The following TSHZ3 variants were observed in gnomAD, a reference collection of about 807,000 sequenced individuals.
TSHZ3 encodes the protein teashirt homolog 3.
In TSHZ3, 10 loss-of-function variants were observed where a neutral mutation model predicts 64.5. The ratio of observed to expected loss-of-function variants is 0.16; its 90% CI spans 0.10 to 0.26. TSHZ3 has a LOEUF of 0.26. Among genes scored for constraint, TSHZ3 ranks in the 10% least tolerant of loss-of-function variants. TSHZ3 has a pLI of 1.00. For synonymous variants in TSHZ3, 608 were observed against 593.1 expected, an observed-to-expected ratio of 1.03 and a Z score of -0.36; for missense variants, 1,242 against 1,421.7, an observed-to-expected ratio of 0.87 and a Z score of 2.03.
intron 3 of TSHZ3, among the ~76,000 whole-genome samples, chr19:31,237,688 A>G (rs1197714525): frequency 6.6e-6 from 1 of 152,212 alleles, no homozygotes; most frequent in Non-Finnish European, 1.5e-5. Flanking sequence ...AGAAACATCA[A>G]TAATTGGTAT....
intron 5 of TSHZ3, among the ~76,000 whole-genome samples, chr19:31,157,504 A>C (rs1035196131): frequency 6.6e-6 from 1 of 152,244 alleles, no homozygotes; most frequent in Non-Finnish European, 1.5e-5. Flanking sequence ...AGTAGTTACA[A>C]TCTAGCCCAT....
At position 31,238,499 on chromosome 19, in the gene TSHZ3, G is replaced by C. The variant is rs539301568; in HGVS notation, n.550+3770C>G. 5.9e-5 allele frequency among the ~76,000 whole-genome samples: 9 copies of C among 152,178 alleles called. No homozygotes were observed. In the East Asian group the frequency reaches 1.5e-3, roughly 26 times the overall value. The stretch of plus-strand genomic sequence containing the variant: ...TTGAACTCCTGACCTCGAGTGATCT[G>C]CCTACCTTGGCCTCCCAAATTGCTG... On this transcript the variant is annotated intron_variant and non_coding_transcript_variant, in intron 3 of 6. Coordinates refer to the TSHZ3 transcript ENST00000651361.
chr19:31,300,059 C>T (rs1874489), intron 1 of TSHZ3, among the ~76,000 whole-genome samples: 39,969 of 151,996 alleles, frequency 0.26, 6,524 homozygotes, highest in East Asian at 0.45. Flanking sequence ...TGTGAGCACG[C>T]GAGAGAGTGT....
chr19:31,225,917 A>G (rs1975454004), intron 4 of TSHZ3, among the ~76,000 whole-genome samples: 1 of 152,170 alleles, frequency 6.6e-6, no homozygotes, highest in African/African-American at 2.4e-5. Flanking sequence ...GCTTGAGGAC[A>G]GGGGTTTGAG....
At chr19:31,169,391 A>G (rs188642209) in intron 5 of TSHZ3, among the ~76,000 whole-genome samples, 1 of 152,226 alleles carries the variant, frequency 6.6e-6, no homozygotes. Context: ...TAGATGAATA[A>G]ATGAATAAAT....
Position 31,306,167 on chromosome 19 carries a change from C to T in TSHZ3, c.41-26415G>A, listed in dbSNP as rs889673935. On this transcript the variant is annotated intron_variant, in intron 1 of 1. Transcript: ENST00000240587. Reference sequence around the variant, plus strand: ...CACACCCACCGTGTGCGCTCATTCCCGGGGTGGCCTTGCATATGCAGCCTG... The same window carrying T: ...CACACCCACCGTGTGCGCTCATTCCTGGGGTGGCCTTGCATATGCAGCCTG... 2.6e-5 allele frequency among the ~76,000 whole-genome samples: 4 copies of T among 152,132 alleles called. No homozygotes were observed. The East Asian group carries it at 5.8e-4, about 22-fold the overall frequency.
intron 1 of TSHZ3, among the ~76,000 whole-genome samples, chr19:31,327,442 A>C (rs543516053): frequency 2.0e-5 from 3 of 152,252 alleles, no homozygotes; most frequent in Non-Finnish European, 4.4e-5. Flanking sequence ...ACTTTTCTAC[A>C]TATGAAAGGG....
At chr19:31,304,483 T>A (rs1413669595) in intron 1 of TSHZ3, among the ~76,000 whole-genome samples, 1 of 150,728 alleles carries the variant, frequency 6.6e-6, no homozygotes, top group Non-Finnish European at 1.5e-5. Context: ...CCCCAAACTG[T>A]CAAACTGGGA....
intron 1 of TSHZ3, among the ~76,000 whole-genome samples, chr19:31,285,198 C>T (rs1435460483): frequency 6.6e-6 from 1 of 152,146 alleles, no homozygotes; most frequent in Non-Finnish European, 1.5e-5. Flanking sequence ...AATGCATTAT[C>T]GGCCAGGTGC....
intron 1 of TSHZ3, among the ~76,000 whole-genome samples, chr19:31,321,130 A>C (rs998089787): frequency 5.3e-5 from 8 of 152,246 alleles, no homozygotes; most frequent in African/African-American, 1.9e-4. Flanking sequence ...TGCAAGCAAA[A>C]TACAGTGCTT....
chr19:31,250,152 T>C (rs1373416540), intron 1 of TSHZ3, among the ~76,000 whole-genome samples: 2 of 152,252 alleles, frequency 1.3e-5, no homozygotes, highest in Non-Finnish European at 2.9e-5. Context: ...AAGGAAATTC[T>C]AAGTCCTCTT....
intron 1 of TSHZ3, among the ~76,000 whole-genome samples, chr19:31,283,005 G>C (rs1464429755): frequency 6.6e-6 from 1 of 152,186 alleles, no homozygotes; most frequent in Non-Finnish European, 1.5e-5. Flanking sequence ...TGGAGCCTAA[G>C]ACTTTTACCC....
chr19:31,154,865 C>T (rs1824390972), intron 6 of TSHZ3, among the ~76,000 whole-genome samples: 2 of 152,282 alleles, frequency 1.3e-5, no homozygotes, highest in South Asian at 2.1e-4. Context: ...ACACTTGCTG[C>T]CTCCTGTCTC....
intron 1 of TSHZ3, among the ~76,000 whole-genome samples, chr19:31,311,297 C>T (rs968879432): frequency 4.6e-5 from 7 of 152,220 alleles, no homozygotes; most frequent in Admixed American, 1.3e-4. Flanking sequence ...ATCAGCACTT[C>T]CCCTATAGCC....
intron 1 of TSHZ3, among the ~76,000 whole-genome samples, chr19:31,305,089 G>T (rs1599637544): frequency 2.0e-5 from 3 of 152,248 alleles, no homozygotes; most frequent in Admixed American, 2.0e-4. Flanking sequence ...TTTCAGATTA[G>T]CAAGTGCCAC....
At chr19:31,270,153 T>C (rs531661451), downstream of TSHZ3, among the ~76,000 whole-genome samples, 56 of 152,350 alleles carry the variant, frequency 3.7e-4, no homozygotes, top group African/African-American at 1.3e-3. Context: ...TCAAGGTTAA[T>C]TATGTGTGTC....
At chr19:31,214,614 A>G (rs1975301889) in intron 4 of TSHZ3, among the ~76,000 whole-genome samples, 1 of 152,198 alleles carries the variant, frequency 6.6e-6, no homozygotes, top group Non-Finnish European at 1.5e-5. Flanking sequence ...CCTATTTCCT[A>G]AAGAATCAGG....
rs535616891 is a variant in TSHZ3 at position 31,300,488 on chromosome 19, A to G, written c.41-20736T>C. ...ATGAACTCAATTCAATGTGGACAAA[A>G]AGAAAAAACCAACCTAGCTTGGAAA... On this transcript the variant is annotated intron_variant, in intron 1 of 1. Transcript: ENST00000240587. 5.4e-4 allele frequency among the ~76,000 whole-genome samples: 82 copies of G among 152,318 alleles called. 2 individuals are homozygous for G. In the South Asian group the frequency reaches 0.014, roughly 26 times the overall value.
chr19:31,223,528 A>G (rs1178452344), intron 4 of TSHZ3, among the ~76,000 whole-genome samples: 2 of 152,160 alleles, frequency 1.3e-5, no homozygotes, highest in African/African-American at 2.4e-5. Flanking sequence ...AAACTCCAGT[A>G]CAAGTGTTCA....
Sources: allele counts gnomAD v4.1 joint callset (sites outside exome capture counted in the v4.1 genomes callset), GRCh38; gene constraint gnomAD v4.1.1; transcripts MANE v1.5; gene names NCBI Gene and HGNC (gene_info 2026-07-23, HGNC 2026-07-21).